Variants in RCAN2 observed in about 807,000 individuals in gnomAD.
The protein encoded by RCAN2 is calcipressin-2.
RCAN2 carries 9 observed loss-of-function variants against 23.6 expected under a neutral mutation model. The ratio of observed to expected loss-of-function variants is 0.38; its 90% CI spans 0.23 to 0.67. The LOEUF (loss-of-function observed/expected upper bound fraction) is 0.67. RCAN2 is among the 30% of genes least tolerant of loss of function. The pLI, the probability that RCAN2 is intolerant of heterozygous loss-of-function variation, is 0.51. For missense variants in RCAN2, 273 were observed against 302.3 expected (o/e 0.90, Z 0.72); for synonymous variants, 109 against 115.7 (o/e 0.94, Z 0.37).
At chr6:46,381,687 C>T (rs954288810) in intron 2 of RCAN2, among the ~76,000 whole-genome samples, 8 of 152,164 alleles carry the variant, frequency 5.3e-5, no homozygotes, top group African/African-American at 1.9e-4. Flanking sequence ...AAGAATTCTC[C>T]TTTCTGCCTT....
At chr6:46,404,278 C>A (rs2150404495) in intron 2 of RCAN2, among the ~76,000 whole-genome samples, 1 of 152,058 alleles carries the variant, frequency 6.6e-6, no homozygotes, top group South Asian at 2.1e-4. Flanking sequence ...TGATCATAGA[C>A]CATGCTGACT....
chr6:46,332,037 C>T (rs1397179251), intron 2 of RCAN2, among the ~76,000 whole-genome samples: 8 of 152,152 alleles, frequency 5.3e-5, no homozygotes, highest in Middle Eastern at 6.3e-3. Flanking sequence ...TCCCATAAAG[C>T]ATATACAAAT....
intron 2 of RCAN2, among the ~76,000 whole-genome samples, chr6:46,360,200 C>T (rs896641613): frequency 1.3e-5 from 2 of 152,076 alleles, no homozygotes; most frequent in Admixed American, 6.6e-5. Flanking sequence ...CCATGAACCA[C>T]GTTCTATACC....
At chr6:46,415,685 C>T (rs1679761593) in intron 2 of RCAN2, among the ~76,000 whole-genome samples, 1 of 152,090 alleles carries the variant, frequency 6.6e-6, no homozygotes, top group Admixed American at 6.5e-5. Flanking sequence ...ACATAGGTGG[C>T]ACCCAATGAC....
At chr6:46,242,215 A>C (rs1305266890) in intron 4 of RCAN2, among the ~76,000 whole-genome samples, 1 of 152,166 alleles carries the variant, frequency 6.6e-6, no homozygotes, top group Non-Finnish European at 1.5e-5. Flanking sequence ...TGTTTCTAGG[A>C]CCACTCTAGA....
chr6:46,229,327 G>A (rs1432378838), intron 4 of RCAN2, among the ~76,000 whole-genome samples: 4 of 152,172 alleles, frequency 2.6e-5, no homozygotes, highest in African/African-American at 4.8e-5. Flanking sequence ...GACTTGCTAG[G>A]TTGGGGAAGT....
At chr6:46,458,613 GT>G (rs1221485191) in intron 1 of RCAN2, among the ~76,000 whole-genome samples, 3 of 151,978 alleles carry the variant, frequency 2.0e-5, no homozygotes. Context: ...TATGGTACAT[GT>G]TTTATTAAAT....
chr6:46,358,103 G>C (rs1326057345), intron 2 of RCAN2, among the ~76,000 whole-genome samples: 1 of 152,136 alleles, frequency 6.6e-6, no homozygotes, highest in African/African-American at 2.4e-5. Flanking sequence ...TATAATCCCG[G>C]TGACGCCCTA....
chr6:46,295,541 A>T (rs1026314303), intron 2 of RCAN2, among the ~76,000 whole-genome samples: 2 of 152,142 alleles, frequency 1.3e-5, no homozygotes, highest in African/African-American at 4.8e-5. Flanking sequence ...AAAGTTGAAG[A>T]GGGGCCAGAG....
At chr6:46,478,155 C>T (rs1033549762) in intron 1 of RCAN2, among the ~76,000 whole-genome samples, 1 of 152,060 alleles carries the variant, frequency 6.6e-6, no homozygotes, top group African/African-American at 2.4e-5. Flanking sequence ...ATCATTTTGC[C>T]CAATACTTTA....
In RCAN2 at chr6:46,224,955, C is replaced by T. The variant is rs538034733; in HGVS notation, c.572-1654G>A. Among the ~76,000 whole-genome samples, 63 of 151,534 alleles carry T rather than the reference C, an allele frequency of 4.2e-4. 1 individual carries two copies. The South Asian group carries it at 0.013, about 32-fold the overall frequency. ...CCCTTCCCCCACCCCATGACAGGCC[C>T]CAGTGTGTGATGTTCCCCACCCTGT... On this transcript the variant is annotated intron_variant, in intron 4 of 4. Transcript: ENST00000371374.
At chr6:46,325,057 A>G (rs1317527362) in intron 2 of RCAN2, among the ~76,000 whole-genome samples, 2 of 152,364 alleles carry the variant, frequency 1.3e-5, no homozygotes, top group African/African-American at 4.8e-5. Flanking sequence ...TTGATTCAAA[A>G]TCCCTCTTGA....
At position 46,246,957 on chromosome 6, in the gene RCAN2, A is replaced by G. The variant is rs181418235; in HGVS notation, c.400-38T>C. ...GTAGAGATGAAGAAACTTATTCATC[A>G]TGGCTTCAGATGTGTCATGTTGGCA... On this transcript the variant is annotated intron_variant, in intron 3 of 4. Transcript: ENST00000371374. 10 of 1,444,290 alleles carry G rather than the reference A, an allele frequency of 6.9e-6. No homozygotes were observed. In the Admixed American group the frequency reaches 7.3e-5, roughly 11 times the overall value. The allele number at this position is 1,444,290 out of a possible 1,614,324, so 89.5% of individuals were successfully genotyped here.
intron 2 of RCAN2, among the ~76,000 whole-genome samples, chr6:46,366,547 C>T (rs150331054): frequency 6.6e-6 from 1 of 152,230 alleles, no homozygotes; most frequent in East Asian, 1.9e-4. Context: ...TCATGTTCTT[C>T]TCTGCATTGA....
chr6:46,481,730 T>C (rs1582237429), intron 1 of RCAN2, among the ~76,000 whole-genome samples: 1 of 151,810 alleles, frequency 6.6e-6, no homozygotes, highest in South Asian at 2.1e-4. Context: ...ATTGGCCTCC[T>C]GGGGTTCTCT....
chr6:46,365,247 G>A (rs888671204), intron 2 of RCAN2, among the ~76,000 whole-genome samples: 6 of 152,048 alleles, frequency 3.9e-5, no homozygotes, highest in Admixed American at 1.3e-4. Flanking sequence ...AGGTCAAGGC[G>A]GGTGGATCAC....
chr6:46,409,116 C>G (rs1002292642), intron 2 of RCAN2, among the ~76,000 whole-genome samples: 1 of 151,938 alleles, frequency 6.6e-6, no homozygotes, highest in Admixed American at 6.6e-5. Context: ...CCTTAGGAGT[C>G]TTTAGGGGAA....
intron 4 of RCAN2, among the ~76,000 whole-genome samples, chr6:46,230,694 G>A (rs917684860): frequency 1.3e-5 from 2 of 152,196 alleles, no homozygotes; most frequent in Non-Finnish European, 1.5e-5. Flanking sequence ...CCTTGGCTAG[G>A]AAAGGGAATT....
intron 2 of RCAN2, among the ~76,000 whole-genome samples, chr6:46,357,687 G>T (rs1764880638): frequency 6.6e-6 from 1 of 152,170 alleles, no homozygotes; most frequent in Non-Finnish European, 1.5e-5. Context: ...GCTCAGCAGG[G>T]TTGACACAGT....
Sources: gnomAD v4.1 joint callset for allele counts (sites outside exome capture counted in the v4.1 genomes callset) on GRCh38, gnomAD v4.1.1 for gene constraint, MANE v1.5 for transcripts, NCBI Gene and HGNC (gene_info 2026-07-23, HGNC 2026-07-21) for gene names.